Variants in NMI observed in about 807,000 individuals in gnomAD.
NMI encodes the protein N-myc and STAT interactor.
Under a neutral mutation model 34.3 loss-of-function variants are expected in NMI, and 39 were observed. The observed-to-expected ratio is 1.14, with a 90% CI of 0.88 to 1.49. The LOEUF (loss-of-function observed/expected upper bound fraction) is 1.49, where lower values mean the gene tolerates loss of function less well. NMI is among the 40% of genes most tolerant of loss of function. The pLI is 0.00. For missense variants in NMI, 339 were observed against 358.1 expected (o/e 0.95, Z 0.43); for synonymous variants, 113 against 120.3 (o/e 0.94, Z 0.40).
intron 3 of NMI, 33 bp downstream of exon 3, chr2:151,281,915 A>G (rs557716706): frequency 2.8e-6 from 3 of 1,067,018 alleles, no homozygotes; most frequent in East Asian, 4.8e-5. Flanking sequence ...GCATCCATCA[A>G]AAATGTAGTA....
chr2:151,274,839 T>C (rs947501903), intron 6 of NMI, among the ~76,000 whole-genome samples: 3 of 152,034 alleles, frequency 2.0e-5, no homozygotes, highest in African/African-American at 7.2e-5. Context: ...TAAAAAAGCA[T>C]GTATTACTTT....
intron 1 of NMI, among the ~76,000 whole-genome samples, chr2:151,287,035 C>A (rs1234031482): frequency 6.6e-6 from 1 of 152,130 alleles, no homozygotes; most frequent in African/African-American, 2.4e-5. Flanking sequence ...GTGAAATTCA[C>A]ATTGGATCTG....
intron 7 of NMI, among the ~76,000 whole-genome samples, chr2:151,271,148 T>TGACCAAATGAATGTTG (rs1683178373): frequency 6.6e-6 from 1 of 152,156 alleles, no homozygotes; most frequent in African/African-American, 2.4e-5. Flanking sequence ...CAAGATTTAG[T>TGACCAAATGAATGTTG]GACCAAATGA....
At position 151,271,672 on chromosome 2, in the gene NMI, C is replaced by T; in HGVS notation, c.695G>A (p.Arg232Lys). 1.3e-6 allele frequency: 2 copies of T among 1,589,364 alleles called. No homozygotes were observed. Among genetic ancestry groups the T allele is most frequent in the Non-Finnish European group, 1.7e-6 (2 of 1,159,084 alleles). ...YPLYINQTCH[R>K]VTVSPYTEIH... ...TTCTGTGTATGGAGAAACAGTAACT[C>T]TATGGCAGGTTTGATTTATATAAAG... The change falls in exon 7 of 8, where the codon AGA (arginine) becomes AAA (lysine). Residue 232 changes from arginine (R) to lysine (K), a missense_variant. Arg to Lys is a conservative substitution (Grantham distance 26). Coordinates refer to ENST00000243346, the MANE Select transcript of NMI (RefSeq NM_004688.3).
intron 6 of NMI, among the ~76,000 whole-genome samples, chr2:151,273,742 G>A (rs1683229750): frequency 6.6e-6 from 1 of 152,046 alleles, no homozygotes; most frequent in African/African-American, 2.4e-5. Flanking sequence ...GGCTGGTCTT[G>A]AACTCCTGGC....
At chr2:151,284,352 A>T (rs1221023193) in intron 1 of NMI, among the ~76,000 whole-genome samples, 1 of 151,976 alleles carries the variant, frequency 6.6e-6, no homozygotes, top group Non-Finnish European at 1.5e-5. Flanking sequence ...GCTGGAGTGC[A>T]GTGGGGCATG....
intron 3 of NMI, among the ~76,000 whole-genome samples, chr2:151,279,685 C>A (rs1197968846): frequency 6.6e-6 from 1 of 152,032 alleles, no homozygotes; most frequent in African/African-American, 2.4e-5. Context: ...GGTTTCACCA[C>A]GTTGGCCAGG....
At position 151,271,746 on chromosome 2, in the gene NMI, A is replaced by G; in HGVS notation, c.635-14T>C. On this transcript the variant is annotated splice_polypyrimidine_tract_variant and intron_variant, in intron 6 of 7. Transcript: ENST00000243346. ...TCTTGTCAGCCACTAAAAGCAAAAC[A>G]AAAACAATACTTGTCTTTTTTATAT... The G allele has an allele frequency of 1.6e-6, 2 of 1,250,270 alleles. No individual in the cohort carries two copies. Among genetic ancestry groups the G allele is most frequent in the Non-Finnish European group, 1.2e-6 (1 of 860,676 alleles). The allele number at this position is 1,250,270 out of a possible 1,614,324, so 77.4% of individuals were successfully genotyped here. A position where few individuals can be genotyped will look rare whatever the true frequency, so the allele number is the denominator to read the frequency against.
chr2:151,289,423 T>G (rs1481935718), intron 1 of NMI, among the ~76,000 whole-genome samples, 170 bp downstream of exon 1: 1 of 152,162 alleles, frequency 6.6e-6, no homozygotes, highest in Non-Finnish European at 1.5e-5. Context: ...GAAGGCGGCG[T>G]GGCCTCCGCG....
intron 1 of NMI, among the ~76,000 whole-genome samples, chr2:151,286,294 G>T (rs774499087): frequency 6.6e-6 from 1 of 152,156 alleles, no homozygotes. Flanking sequence ...AAATTGAGGG[G>T]TTCTACAATA....
At chr2:151,288,712 G>A (rs1473336117) in intron 1 of NMI, among the ~76,000 whole-genome samples, 1 of 152,190 alleles carries the variant, frequency 6.6e-6, no homozygotes, top group Non-Finnish European at 1.5e-5. Flanking sequence ...TATAACTGCG[G>A]TGCCAGGCCG....
chr2:151,284,314 T>G (rs1244633007), intron 1 of NMI, among the ~76,000 whole-genome samples: 2 of 152,144 alleles, frequency 1.3e-5, no homozygotes, highest in Non-Finnish European at 2.9e-5. Flanking sequence ...AATTTTTTTT[T>G]TAGATAGGGT....
At chr2:151,278,601 G>A (rs1683330440) in intron 4 of NMI, 1 of 469,808 alleles carries the variant, frequency 2.1e-6, no homozygotes. Flanking sequence ...CATAGCACCT[G>A]GATTAAGTCC....
At position 151,278,954 on chromosome 2, in the gene NMI, A is replaced by G. The variant is rs757458787; in HGVS notation, c.214T>C (p.Leu72=). 3.7e-6 allele frequency: 6 copies of G among 1,610,662 alleles called. No homozygotes were observed. In the South Asian group the frequency reaches 5.5e-5, roughly 15 times the overall value. Residue 72 remains leucine (L), a synonymous_variant, in exon 4 of 8, where the codon TTA becomes CTA. Transcript: ENST00000243346. The part of the protein sequence containing the change: ...EDIPETKMKF[L]SVETPENDSQ... ...TCATTCTCAGGAGTTTCAACTGATA[A>G]GAATTTCATCTTTGTTTCAGGAATA...
intron 1 of NMI, among the ~76,000 whole-genome samples, chr2:151,285,402 GA>G (rs1683477017): frequency 7.6e-6 from 1 of 132,442 alleles, no homozygotes; most frequent in African/African-American, 3.0e-5. Context: ...TAGATAGATA[GA>G]TAAATAGACA....
At position 151,275,625 on chromosome 2, in the gene NMI, G is replaced by A. The variant is rs200660772; in HGVS notation, c.493C>T (p.Pro165Ser). 3.1e-6 allele frequency: 5 copies of A among 1,614,122 alleles called. No homozygotes were observed. The Admixed American group carries it at 6.7e-5, about 22-fold the overall frequency. The change falls in exon 6 of 8, where the codon CCT becomes TCT. Residue 165 changes from proline to serine, a missense_variant. Coordinates refer to ENST00000243346, the MANE Select transcript of NMI (RefSeq NM_004688.3). Reference protein sequence around the residue: ...SKMKINVTEIPDTLREDQMRD... With the variant: ...SKMKINVTEISDTLREDQMRD... ...ATTTGATCTTCACGCAATGTGTCAG[G>A]AATTTCAGTAACATTGATTTTCATT...
rs141186211 is a variant in NMI at position 151,278,499 on chromosome 2, C to G, written c.340+329G>C. The G allele has an allele frequency of 2.8e-4, 63 of 223,624 alleles. 1 individual carries two copies. The highest frequency in any genetic ancestry group is 1.4e-3 in the African/African-American group (62 of 43,446). The allele number at this position is 223,624 out of a possible 1,614,324, so 13.9% of individuals were successfully genotyped here. Reference sequence around the variant, plus strand: ...GTGAGTATAAAATGTGATAATGTCTCTGAGAACTGTACAGCTCTACTACCT... The same window carrying G: ...GTGAGTATAAAATGTGATAATGTCTGTGAGAACTGTACAGCTCTACTACCT... On this transcript the variant is annotated intron_variant, in intron 4 of 7. Coordinates refer to ENST00000243346, the MANE Select transcript of NMI (RefSeq NM_004688.3).
intron 6 of NMI, among the ~76,000 whole-genome samples, chr2:151,274,680 G>A (rs1458046479): frequency 1.3e-5 from 2 of 151,806 alleles, no homozygotes; most frequent in East Asian, 4.0e-4. Flanking sequence ...GTTTCACCAT[G>A]TTAGTCAGGC....
At chr2:151,287,869 G>A (rs1409078356) in intron 1 of NMI, among the ~76,000 whole-genome samples, 1 of 152,130 alleles carries the variant, frequency 6.6e-6, no homozygotes, top group Non-Finnish European at 1.5e-5. Context: ...GTTGTACTCA[G>A]GACATCACAT....
Sources: gnomAD v4.1 joint callset for allele counts (sites outside exome capture counted in the v4.1 genomes callset) on GRCh38, gnomAD v4.1.1 for gene constraint, MANE v1.5 for transcripts, NCBI Gene and HGNC (gene_info 2026-07-23, HGNC 2026-07-21) for gene names.